The following KCNIP4 variants were observed in gnomAD, a reference collection of about 807,000 sequenced individuals.
The protein encoded by KCNIP4 is potassium voltage-gated channel interacting protein 4, also known as Kv channel-interacting protein 4.
A neutral mutation model predicts 34.0 loss-of-function variants in KCNIP4; 12 were observed. That is an observed-to-expected ratio of 0.35 (90% confidence interval 0.23 to 0.57). The LOEUF is 0.57. Ranked by LOEUF, KCNIP4 falls within the 20% of genes least tolerant of loss-of-function variation. The pLI is 0.83. For missense variants in KCNIP4, 238 were observed against 311.7 expected, an observed-to-expected ratio of 0.76 and a Z score of 1.78; for synonymous variants, 124 against 102.2, an observed-to-expected ratio of 1.21 and a Z score of -1.29.
intron 1 of KCNIP4, chr4:21,844,126 G>A (rs1723856707): frequency 6.6e-6 from 1 of 152,018 alleles, no homozygotes; most frequent in Non-Finnish European, 1.5e-5. Flanking sequence ...ACATGAATGA[G>A]TCAAGAATCA....
intron 1 of KCNIP4, among the ~76,000 whole-genome samples, chr4:21,016,760 G>A (rs1739582748): frequency 6.6e-6 from 1 of 152,124 alleles, no homozygotes; most frequent in Non-Finnish European, 1.5e-5. Context: ...AAAGGTGTGA[G>A]CTACCATACC....
intron 1 of KCNIP4, among the ~76,000 whole-genome samples, chr4:21,109,379 C>T (rs552602406): frequency 3.9e-5 from 6 of 152,380 alleles, no homozygotes; most frequent in African/African-American, 1.2e-4. Flanking sequence ...ATCAGTGAGA[C>T]TCCTTGGGTG....
chr4:21,736,354 G>C (rs1715990750), intron 1 of KCNIP4, among the ~76,000 whole-genome samples: 1 of 152,096 alleles, frequency 6.6e-6, no homozygotes, highest in African/African-American at 2.4e-5. Flanking sequence ...TCTGTCCTCT[G>C]TACTGTAGAG....
intron 1 of KCNIP4, among the ~76,000 whole-genome samples, chr4:21,238,573 T>C (rs937377004): frequency 2.0e-5 from 3 of 152,144 alleles, no homozygotes; most frequent in African/African-American, 7.2e-5. Flanking sequence ...ACAAGCATTC[T>C]TATACACCAA....
At chr4:20,827,397 GTC>G (rs1560495245) in intron 3 of KCNIP4, among the ~76,000 whole-genome samples, 5 of 152,092 alleles carry the variant, frequency 3.3e-5, no homozygotes, top group Admixed American at 1.3e-4. Context: ...GGGAATGCAC[GTC>G]TCTCTGGGAA....
At chr4:20,824,567 C>T (rs1343744410) in intron 3 of KCNIP4, among the ~76,000 whole-genome samples, 1 of 152,036 alleles carries the variant, frequency 6.6e-6, no homozygotes, top group Non-Finnish European at 1.5e-5. Context: ...GTAGTCTCAG[C>T]TATTTAGGAG....
chr4:21,591,647 T>C (rs1473923242), intron 1 of KCNIP4, among the ~76,000 whole-genome samples: 1 of 152,086 alleles, frequency 6.6e-6, no homozygotes, highest in African/African-American at 2.4e-5. Context: ...ATCTTACTGG[T>C]GACTTCAGTA....
chr4:21,657,686 C>T (rs1215579066), intron 1 of KCNIP4, among the ~76,000 whole-genome samples: 2 of 152,130 alleles, frequency 1.3e-5, no homozygotes, highest in Admixed American at 6.5e-5. Context: ...GAATGAGGCT[C>T]TTTCTTTGAG....
chr4:21,431,985 G>A (rs767628317), intron 1 of KCNIP4, among the ~76,000 whole-genome samples: 79 of 149,184 alleles, frequency 5.3e-4, no homozygotes, highest in Non-Finnish European at 7.6e-4. Flanking sequence ...ATAATGGAGT[G>A]CAAATATGAC....
At chr4:20,811,520 C>T (rs71607039) in intron 3 of KCNIP4, among the ~76,000 whole-genome samples, 4,212 of 149,028 alleles carry the variant, frequency 0.028, 101 homozygotes, top group South Asian at 0.12. Context: ...TGTGTGCGCG[C>T]GCGCACGCGT....
chr4:21,474,206 T>C (rs1560440950), intron 1 of KCNIP4, among the ~76,000 whole-genome samples: 1 of 152,160 alleles, frequency 6.6e-6, no homozygotes, highest in African/African-American at 2.4e-5. Flanking sequence ...TATATTTAGC[T>C]GAATTTCTAC....
At chr4:20,779,584 C>CT (rs1400493410) in intron 3 of KCNIP4, among the ~76,000 whole-genome samples, 1 of 134,326 alleles carries the variant, frequency 7.4e-6, no homozygotes, top group Non-Finnish European at 1.6e-5. Context: ...CAACCCCCCC[C>CT]CCCCACACAA....
intron 2 of KCNIP4, among the ~76,000 whole-genome samples, chr4:20,871,173 A>C (rs1216211656): frequency 6.6e-6 from 1 of 152,128 alleles, no homozygotes; most frequent in Non-Finnish European, 1.5e-5. Context: ...GGCATTGGTC[A>C]AGGTACAATG....
chr4:21,378,253 T>C (rs1211325744), intron 1 of KCNIP4, among the ~76,000 whole-genome samples: 1 of 152,226 alleles, frequency 6.6e-6, no homozygotes, highest in Non-Finnish European at 1.5e-5. Context: ...TTTCAAGCTT[T>C]CATATATTTC....
intron 1 of KCNIP4, among the ~76,000 whole-genome samples, chr4:21,743,974 A>G (rs1242603110): frequency 2.0e-5 from 3 of 152,048 alleles, no homozygotes; most frequent in Non-Finnish European, 4.4e-5. Context: ...AAGCTACAGC[A>G]GAAGTAAATC....
chr4:21,908,945 T>C lies in KCNIP4; in HGVS notation c.61+39626A>G, dbSNP rs562714225. 2.2e-4 allele frequency among the ~76,000 whole-genome samples: 34 copies of C among 152,232 alleles called. No individual in the cohort carries two copies. The South Asian group carries it at 6.4e-3, about 29-fold the overall frequency. ...TCTACAACTCTGAGTTTGTGTGTTA[T>C]GGGATACGTTTTCTTGAGTTTTAGT... On this transcript the variant is annotated intron_variant, in intron 1 of 8. Transcript: ENST00000382152.
chr4:21,288,338 A>T (rs1763239654), intron 1 of KCNIP4, among the ~76,000 whole-genome samples: 1 of 152,208 alleles, frequency 6.6e-6, no homozygotes, highest in Non-Finnish European at 1.5e-5. Context: ...GCTATAGGCA[A>T]AACTCATGCA....
chr4:20,951,615 T>A (rs997614447), intron 1 of KCNIP4, among the ~76,000 whole-genome samples: 1 of 152,196 alleles, frequency 6.6e-6, no homozygotes, highest in Non-Finnish European at 1.5e-5. Flanking sequence ...CTTTTTTGAA[T>A]AGGTGCCATC....
chr4:21,342,173 T>C (rs1387802426), intron 1 of KCNIP4, among the ~76,000 whole-genome samples: 1 of 151,928 alleles, frequency 6.6e-6, no homozygotes, highest in South Asian at 2.1e-4. Context: ...AGAGACAAGA[T>C]TGTGACTCAA....
Sources: gnomAD v4.1 joint callset for allele counts (sites outside exome capture counted in the v4.1 genomes callset) on GRCh38, gnomAD v4.1.1 for gene constraint, MANE v1.5 for transcripts, NCBI Gene and HGNC (gene_info 2026-07-23, HGNC 2026-07-21) for gene names.